The following PTPRN2 variants were observed in gnomAD, a reference collection of about 807,000 sequenced individuals.
PTPRN2 encodes the protein receptor-type tyrosine-protein phosphatase N2.
PTPRN2 carries 74 observed loss-of-function variants against 118.8 expected under a neutral mutation model. That is an observed-to-expected ratio of 0.62 (90% confidence interval 0.52 to 0.76). The LOEUF (loss-of-function observed/expected upper bound fraction) is 0.76. PTPRN2 is among the 30% of genes least tolerant of loss of function. PTPRN2 has a pLI of 0.00. For missense variants in PTPRN2, 1,481 were observed against 1,394.4 expected, an observed-to-expected ratio of 1.06 and a Z score of -0.99; for synonymous variants, 641 against 608.0, an observed-to-expected ratio of 1.05 and a Z score of -0.80.
At chr7:157,684,878 G>C (rs1489592893) in intron 12 of PTPRN2, among the ~76,000 whole-genome samples, 7 of 152,108 alleles carry the variant, frequency 4.6e-5, no homozygotes, top group Admixed American at 4.6e-4. Context: ...AGGGACCCTA[G>C]AGCGCGCGGG....
chr7:157,687,471 G>C (rs1165976652), intron 12 of PTPRN2, among the ~76,000 whole-genome samples: 1 of 152,116 alleles, frequency 6.6e-6, no homozygotes, highest in African/African-American at 2.4e-5. Context: ...ACAGGTGCTC[G>C]GTGCCAGTTA....
intron 11 of PTPRN2, among the ~76,000 whole-genome samples, chr7:157,957,969 T>C (rs748867521): frequency 2.6e-5 from 4 of 152,118 alleles, no homozygotes; most frequent in Admixed American, 6.5e-5. Flanking sequence ...CCCTTATAAA[T>C]ACTGATGCAA....
At chr7:158,205,654 T>C (rs1465873386) in intron 3 of PTPRN2, among the ~76,000 whole-genome samples, 1 of 152,120 alleles carries the variant, frequency 6.6e-6, no homozygotes, top group Admixed American at 6.5e-5. Context: ...TGGTTTTAAC[T>C]CCATATCATT....
intron 2 of PTPRN2, among the ~76,000 whole-genome samples, chr7:158,470,514 T>C (rs935303565): frequency 6.6e-6 from 1 of 152,162 alleles, no homozygotes; most frequent in Admixed American, 6.5e-5. Flanking sequence ...AAGCAAGACG[T>C]GGTGTGTCCC....
intron 6 of PTPRN2, among the ~76,000 whole-genome samples, chr7:158,149,077 CCTCA>C (rs758138960): frequency 1.0e-4 from 15 of 143,048 alleles, no homozygotes; most frequent in South Asian, 2.3e-4. Flanking sequence ...TGTCATTCCC[CCTCA>C]CTGACACCCC....
At chr7:157,818,358 C>T (rs1170328514) in intron 12 of PTPRN2, among the ~76,000 whole-genome samples, 3 of 151,942 alleles carry the variant, frequency 2.0e-5, no homozygotes, top group African/African-American at 4.8e-5. Context: ...TTTTCTAAAG[C>T]GTGGGAAATG....
chr7:158,014,250 ATCCATCCC>A (rs1249574717), intron 11 of PTPRN2, among the ~76,000 whole-genome samples: 1 of 149,914 alleles, frequency 6.7e-6, no homozygotes, highest in Non-Finnish European at 1.5e-5. Context: ...CTGTCCATCC[ATCCATCCC>A]TCCATCCACC....
chr7:158,365,462 C>A (rs1809361665), intron 2 of PTPRN2, among the ~76,000 whole-genome samples: 1 of 152,144 alleles, frequency 6.6e-6, no homozygotes, highest in Admixed American at 6.5e-5. Context: ...GACATCGATT[C>A]CCTGATATTC....
At chr7:158,390,715 A>T (rs1255021925) in intron 2 of PTPRN2, among the ~76,000 whole-genome samples, 1 of 152,230 alleles carries the variant, frequency 6.6e-6, no homozygotes, top group East Asian at 1.9e-4. Flanking sequence ...CTCAGCTCTC[A>T]GCGCACTTTG....
At chr7:158,136,405 T>A (rs571881825) in intron 8 of PTPRN2, among the ~76,000 whole-genome samples, 1 of 152,312 alleles carries the variant, frequency 6.6e-6, no homozygotes, top group South Asian at 2.1e-4. Flanking sequence ...TTCTTTGCAT[T>A]TACCACGACT....
At chr7:158,561,234 A>G (rs1295775263) in intron 1 of PTPRN2, among the ~76,000 whole-genome samples, 1 of 152,236 alleles carries the variant, frequency 6.6e-6, no homozygotes, top group Non-Finnish European at 1.5e-5. Context: ...TAATAACCCC[A>G]GTAATTCTCA....
At chr7:158,422,693 G>A (rs1815356735) in intron 2 of PTPRN2, among the ~76,000 whole-genome samples, 1 of 151,546 alleles carries the variant, frequency 6.6e-6, no homozygotes, top group Non-Finnish European at 1.5e-5. Context: ...CGGCTTCTGG[G>A]GCCACCATTC....
At chr7:157,844,123 G>A (rs1344019269) in intron 12 of PTPRN2, among the ~76,000 whole-genome samples, 2 of 151,604 alleles carry the variant, frequency 1.3e-5, no homozygotes, top group Non-Finnish European at 3.0e-5. Flanking sequence ...GGTGTGGAAT[G>A]CAGGCCCCTC....
intron 4 of PTPRN2, among the ~76,000 whole-genome samples, chr7:158,200,900 C>A: frequency 6.6e-6 from 1 of 151,646 alleles, no homozygotes; most frequent in African/African-American, 2.4e-5. Context: ...TGCTCAAAAG[C>A]AAATTATTTA....
intron 2 of PTPRN2, among the ~76,000 whole-genome samples, chr7:158,336,857 A>T (rs143024892): frequency 2.0e-5 from 2 of 97,728 alleles, no homozygotes; most frequent in Non-Finnish European, 4.6e-5. Context: ...CACTCTCACC[A>T]TAAGAGCTGT....
chr7:158,247,313 G>T (rs905827420), intron 3 of PTPRN2, among the ~76,000 whole-genome samples: 4 of 152,236 alleles, frequency 2.6e-5, no homozygotes, highest in Admixed American at 2.0e-4. Context: ...AACCCACGTG[G>T]GGTCTCACAG....
chr7:158,553,103 G>C (rs1443111204), intron 1 of PTPRN2, among the ~76,000 whole-genome samples: 1 of 151,764 alleles, frequency 6.6e-6, no homozygotes, highest in Non-Finnish European at 1.5e-5. Context: ...ACACATGCTT[G>C]GGAGTCTACA....
chr7:157,566,771 G>A (rs556832573), intron 21 of PTPRN2, among the ~76,000 whole-genome samples: 16 of 152,338 alleles, frequency 1.1e-4, no homozygotes, highest in Non-Finnish European at 1.8e-4. Flanking sequence ...CCGGGGTCTC[G>A]AACCCAGGAC....
At chr7:158,195,513 T>C (rs1168924533) in intron 4 of PTPRN2, among the ~76,000 whole-genome samples, 1 of 152,198 alleles carries the variant, frequency 6.6e-6, no homozygotes, top group African/African-American at 2.4e-5. Context: ...ACAATTTTCC[T>C]CATTATTTCT....
Sources: gnomAD v4.1 joint callset for allele counts (sites outside exome capture counted in the v4.1 genomes callset) on GRCh38, gnomAD v4.1.1 for gene constraint, MANE v1.5 for transcripts, NCBI Gene and HGNC (gene_info 2026-07-23, HGNC 2026-07-21) for gene names.